The following ZNF385B variants were observed in gnomAD, a reference collection of about 807,000 sequenced individuals.
The protein encoded by ZNF385B is zinc finger protein 385B, also known as zinc finger protein 533.
ZNF385B carries 23 observed loss-of-function variants against 39.2 expected under a neutral mutation model. That is an observed-to-expected ratio of 0.59 (90% confidence interval 0.42 to 0.83). The LOEUF (loss-of-function observed/expected upper bound fraction) is 0.83, where lower values mean the gene tolerates loss of function less well. ZNF385B is among the 40% of genes least tolerant of loss of function. The pLI is 0.00. For missense variants in ZNF385B, 552 were observed against 598.9 expected (o/e 0.92, Z 0.82); for synonymous variants, 205 against 222.6 (o/e 0.92, Z 0.70).
At chr2:179,493,321 A>G (rs1338898230) in intron 5 of ZNF385B, among the ~76,000 whole-genome samples, 1 of 151,866 alleles carries the variant, frequency 6.6e-6, no homozygotes, top group Non-Finnish European at 1.5e-5. Context: ...TATGGCATGT[A>G]TATGTGTACA....
chr2:179,495,101 C>T (rs566557857), intron 5 of ZNF385B, among the ~76,000 whole-genome samples: 19 of 152,076 alleles, frequency 1.2e-4, no homozygotes, highest in Non-Finnish European at 2.4e-4. Flanking sequence ...GATAGCATTT[C>T]GGGACCTGCC....
chr2:179,567,008 G>A (rs1366689402), intron 3 of ZNF385B, among the ~76,000 whole-genome samples: 1 of 149,970 alleles, frequency 6.7e-6, no homozygotes, highest in Non-Finnish European at 1.5e-5. Flanking sequence ...TCCGCCTCCT[G>A]GGTTTAAGTG....
intron 5 of ZNF385B, among the ~76,000 whole-genome samples, chr2:179,513,839 G>C (rs1006046681): frequency 6.6e-6 from 1 of 152,162 alleles, no homozygotes. Context: ...AAAGTTTTGT[G>C]AGGCAACATA....
At chr2:179,823,561 AT>A (rs1009643541) in intron 1 of ZNF385B, among the ~76,000 whole-genome samples, 2 of 151,830 alleles carry the variant, frequency 1.3e-5, no homozygotes, top group East Asian at 3.9e-4. Context: ...TTGTTTCAGG[AT>A]TTTTTTTCCT....
chr2:179,648,591 C>T (rs1015708951), intron 3 of ZNF385B, among the ~76,000 whole-genome samples: 1 of 152,120 alleles, frequency 6.6e-6, no homozygotes, highest in Non-Finnish European at 1.5e-5. Flanking sequence ...CCAAATACTA[C>T]CCTCCATTAC....
chr2:179,641,171 T>C (rs1275132824), intron 3 of ZNF385B, among the ~76,000 whole-genome samples: 3 of 148,624 alleles, frequency 2.0e-5, no homozygotes, highest in Admixed American at 1.4e-4. Flanking sequence ...AGAGATTTGA[T>C]GAACAGGTGT....
intron 1 of ZNF385B, among the ~76,000 whole-genome samples, chr2:179,791,509 G>C (rs1705322485): frequency 6.6e-6 from 1 of 152,168 alleles, no homozygotes. Context: ...TTCTGTTTTA[G>C]CTAATTAAAT....
chr2:179,700,549 C>T (rs769115473), intron 3 of ZNF385B, among the ~76,000 whole-genome samples: 1 of 152,110 alleles, frequency 6.6e-6, no homozygotes, highest in Non-Finnish European at 1.5e-5. Context: ...CCTAAAGAAC[C>T]TGGAGACACT....
intron 3 of ZNF385B, among the ~76,000 whole-genome samples, chr2:179,742,047 G>C (rs117464861): frequency 6.6e-6 from 1 of 152,004 alleles, no homozygotes; most frequent in Non-Finnish European, 1.5e-5. Flanking sequence ...TATTCTAGTT[G>C]ACAAGGGATG....
At chr2:179,584,162 G>A (rs1353105753) in intron 3 of ZNF385B, 1 of 398,342 alleles carries the variant, frequency 2.5e-6, no homozygotes, top group African/African-American at 2.1e-5. Context: ...ATTCAGTGTT[G>A]TGGGGTGCTA....
chr2:179,759,915 T>TG (rs1373139829), intron 3 of ZNF385B, among the ~76,000 whole-genome samples: 1 of 152,130 alleles, frequency 6.6e-6, no homozygotes, highest in Non-Finnish European at 1.5e-5. Flanking sequence ...ACTAGAAAAC[T>TG]GGGGGGTTTA....
At chr2:179,595,624 CTTT>C (rs71029821) in intron 3 of ZNF385B, among the ~76,000 whole-genome samples, 1 of 145,702 alleles carries the variant, frequency 6.9e-6, no homozygotes, top group Non-Finnish European at 1.5e-5. Flanking sequence ...CCCAGATATT[CTTT>C]TTTTTTTTTT....
chr2:179,860,105 C>G (rs1186603322), intron 1 of ZNF385B, among the ~76,000 whole-genome samples: 3 of 152,200 alleles, frequency 2.0e-5, no homozygotes, highest in African/African-American at 7.2e-5. Flanking sequence ...TCTTTTGCTA[C>G]TACATCTTGA....
intron 3 of ZNF385B, among the ~76,000 whole-genome samples, chr2:179,767,660 G>A (rs1467945831): frequency 6.6e-5 from 10 of 152,096 alleles, no homozygotes; most frequent in Admixed American, 6.6e-4. Context: ...ATTCAGTGGA[G>A]GCTCTAAACA....
intron 3 of ZNF385B, among the ~76,000 whole-genome samples, chr2:179,698,805 G>C (rs987148579): frequency 6.6e-6 from 1 of 152,038 alleles, no homozygotes; most frequent in Non-Finnish European, 1.5e-5. Context: ...TCAATAAAAA[G>C]TCATCTCTAA....
chr2:179,486,498 T>C (rs565536528), intron 5 of ZNF385B, among the ~76,000 whole-genome samples: 1 of 152,352 alleles, frequency 6.6e-6, no homozygotes, highest in African/African-American at 2.4e-5. Context: ...AGCATGCTGC[T>C]TTTAATGACT....
At chr2:179,747,553 C>T (rs1408082263) in intron 3 of ZNF385B, among the ~76,000 whole-genome samples, 1 of 152,136 alleles carries the variant, frequency 6.6e-6, no homozygotes, top group Non-Finnish European at 1.5e-5. Context: ...CACACATAAA[C>T]TTTCCTTCGA....
At chr2:179,617,907 C>T (rs1448630079) in intron 3 of ZNF385B, among the ~76,000 whole-genome samples, 1 of 152,020 alleles carries the variant, frequency 6.6e-6, no homozygotes, top group Non-Finnish European at 1.5e-5. Context: ...GAACTTGATC[C>T]CCCTAAATAG....
At chr2:179,612,618 A>G (rs572219990) in intron 3 of ZNF385B, among the ~76,000 whole-genome samples, 1 of 152,074 alleles carries the variant, frequency 6.6e-6, no homozygotes, top group East Asian at 1.9e-4. Context: ...AGTTATCTGG[A>G]GCTGGGGGAT....
Sources: gnomAD v4.1 joint callset for allele counts (sites outside exome capture counted in the v4.1 genomes callset) on GRCh38, gnomAD v4.1.1 for gene constraint, MANE v1.5 for transcripts, NCBI Gene and HGNC (gene_info 2026-07-23, HGNC 2026-07-21) for gene names.